FCHO2: variants seen among roughly 807,000 people sequenced by gnomAD.
The protein encoded by FCHO2 is FCH and mu domain containing endocytic adaptor 2.
In FCHO2, 43 loss-of-function variants were observed where a neutral mutation model predicts 114.1. The ratio of observed to expected loss-of-function variants is 0.38; its 90% CI spans 0.30 to 0.49. The LOEUF (loss-of-function observed/expected upper bound fraction) is 0.49. FCHO2 is among the 20% of genes least tolerant of loss of function. The pLI is 0.97. For missense variants in FCHO2, 807 were observed against 950.4 expected, an observed-to-expected ratio of 0.85 and a Z score of 1.98; for synonymous variants, 293 against 315.2, an observed-to-expected ratio of 0.93 and a Z score of 0.75.
At chr5:72,969,561 C>T (rs1204650263) in intron 2 of FCHO2, among the ~76,000 whole-genome samples, 2 of 151,996 alleles carry the variant, frequency 1.3e-5, no homozygotes, top group East Asian at 3.9e-4. Flanking sequence ...TGGCATGTTC[C>T]TTAGCCTTCC....
At chr5:73,071,874 A>C (rs1041695518) in intron 19 of FCHO2, among the ~76,000 whole-genome samples, 1 of 152,090 alleles carries the variant, frequency 6.6e-6, no homozygotes, top group African/African-American at 2.4e-5. Context: ...GAAGCTAGGC[A>C]TAATAATTTA....
intron 20 of FCHO2, among the ~76,000 whole-genome samples, chr5:73,075,804 G>A (rs553065020): frequency 6.6e-6 from 1 of 152,260 alleles, no homozygotes; most frequent in East Asian, 1.9e-4. Flanking sequence ...GAACAGAATT[G>A]TCAAGATTTG....
intron 2 of FCHO2, among the ~76,000 whole-genome samples, chr5:72,982,121 TC>T (rs2112645767): frequency 6.6e-6 from 1 of 152,276 alleles, no homozygotes; most frequent in Admixed American, 6.5e-5. Flanking sequence ...AATGCACCAT[TC>T]CTCACAGCAC....
chr5:72,965,760 C>G (rs1256165369), intron 1 of FCHO2, among the ~76,000 whole-genome samples: 1 of 152,144 alleles, frequency 6.6e-6, no homozygotes, highest in African/African-American at 2.4e-5. Context: ...TAAAGTGAGA[C>G]TGTATCAAAA....
chr5:73,029,247 A>G (rs1017373941), intron 8 of FCHO2, among the ~76,000 whole-genome samples: 61 of 152,362 alleles, frequency 4.0e-4, no homozygotes, highest in African/African-American at 1.3e-3. Flanking sequence ...TATGGTTGCA[A>G]CTAACATGGA....
chr5:72,978,862 A>C (rs1242802410), intron 2 of FCHO2, among the ~76,000 whole-genome samples: 1 of 152,160 alleles, frequency 6.6e-6, no homozygotes, highest in African/African-American at 2.4e-5. Flanking sequence ...ATGTATTGAG[A>C]TAATCATGTG....
chr5:73,054,424 A>G lies in FCHO2; in HGVS notation c.1186-101A>G, dbSNP rs1001005415. ...CACTTTACAATTGAGCAGATATACT[A>G]AAAACAACATAAAATTAGGTTCCCA... On this transcript the variant is annotated intron_variant, in intron 14 of 25. Coordinates refer to ENST00000430046, the MANE Select transcript of FCHO2 (RefSeq NM_138782.3). 65 of 1,084,966 alleles carry G rather than the reference A, an allele frequency of 6.0e-5. No homozygotes were observed. The African/African-American group carries it at 9.9e-4, about 17-fold the overall frequency. The allele number at this position is 1,084,966 out of a possible 1,614,324, so 67.2% of individuals were successfully genotyped here.
chr5:72,997,534 C>A, intron 5 of FCHO2: 1 of 1,348,106 alleles, frequency 7.4e-7, no homozygotes, highest in Non-Finnish European at 1.1e-6. Flanking sequence ...GGTTCAGTGA[C>A]CCCAGTGACA....
chr5:73,043,139 C>A (rs902195400), intron 11 of FCHO2, among the ~76,000 whole-genome samples: 1 of 151,866 alleles, frequency 6.6e-6, no homozygotes, highest in African/African-American at 2.4e-5. Context: ...GTTGTGTTGC[C>A]CAGGCTGGTC....
At chr5:72,997,080 G>C in intron 5 of FCHO2, 1 of 1,246,012 alleles carries the variant, frequency 8.0e-7, no homozygotes, top group Non-Finnish European at 1.2e-6. Context: ...CCTGGAATCA[G>C]CTAGGTGAAG....
At chr5:73,023,902 C>A (rs1209204495) in intron 8 of FCHO2, among the ~76,000 whole-genome samples, 1 of 152,082 alleles carries the variant, frequency 6.6e-6, no homozygotes, top group Non-Finnish European at 1.5e-5. Context: ...ACTTGTCAAC[C>A]TACTCATTTA....
intron 1 of FCHO2, among the ~76,000 whole-genome samples, chr5:72,961,270 A>G (rs1751845874): frequency 6.6e-6 from 1 of 152,130 alleles, no homozygotes; most frequent in African/African-American, 2.4e-5. Flanking sequence ...ACTAACACAC[A>G]TTCTTTGGGG....
intron 1 of FCHO2, among the ~76,000 whole-genome samples, 161 bp downstream of exon 1, chr5:72,956,290 C>T (rs1461684425): frequency 2.0e-5 from 3 of 151,934 alleles, no homozygotes; most frequent in Admixed American, 6.5e-5. Context: ...CGACCGGTCG[C>T]CAGCCTATAG....
At chr5:72,989,995 T>C (rs1360590222) in intron 3 of FCHO2, among the ~76,000 whole-genome samples, 2 of 151,974 alleles carry the variant, frequency 1.3e-5, no homozygotes, top group Non-Finnish European at 2.9e-5. Flanking sequence ...AAAGAATACA[T>C]TTAAAATGAG....
chr5:73,069,230 C>CA (rs1216976403), intron 19 of FCHO2, among the ~76,000 whole-genome samples: 2 of 152,082 alleles, frequency 1.3e-5, no homozygotes, highest in Admixed American at 6.6e-5. Context: ...AAGTGGTCCC[C>CA]AACCTTTGGC....
chr5:73,077,502 A>T lies in FCHO2; in HGVS notation c.1847+9A>T. ...GCACAGCTTGTGTTCAGGTTTGTGTACTTTTTGTTTTGAAGGTTGAAATTT... is the reference window on the plus strand; with the variant it reads ...GCACAGCTTGTGTTCAGGTTTGTGTTCTTTTTGTTTTGAAGGTTGAAATTT... On this transcript the variant is annotated intron_variant, in intron 21 of 25. Coordinates refer to ENST00000430046, the MANE Select transcript of FCHO2 (RefSeq NM_138782.3). 1 of 1,583,436 alleles carries T rather than the reference A, an allele frequency of 6.3e-7. No individual in the cohort carries two copies. The highest frequency in any genetic ancestry group is 8.6e-7 in the Non-Finnish European group (1 of 1,163,868).
At chr5:73,011,346 A>T (rs1755001085) in intron 6 of FCHO2, among the ~76,000 whole-genome samples, 1 of 152,220 alleles carries the variant, frequency 6.6e-6, no homozygotes, top group Non-Finnish European at 1.5e-5. Context: ...AAAAATTTTA[A>T]ACATTTTGAC....
At chr5:72,982,857 G>T (rs1223669597) in intron 2 of FCHO2, among the ~76,000 whole-genome samples, 1 of 134,630 alleles carries the variant, frequency 7.4e-6, no homozygotes, top group Admixed American at 7.9e-5. Context: ...GCATATAGGT[G>T]TCCAGTTGTT....
At chr5:73,018,800 T>G (rs1404440495) in intron 8 of FCHO2, among the ~76,000 whole-genome samples, 1 of 152,202 alleles carries the variant, frequency 6.6e-6, no homozygotes, top group African/African-American at 2.4e-5. Context: ...CCCAGCTACT[T>G]CCCTGTTCTC....
Sources: allele counts gnomAD v4.1 joint callset (sites outside exome capture counted in the v4.1 genomes callset), GRCh38; gene constraint gnomAD v4.1.1; transcripts MANE v1.5; gene names NCBI Gene and HGNC (gene_info 2026-07-23, HGNC 2026-07-21).